IL2RA: variants seen among roughly 807,000 people sequenced by gnomAD.
IL2RA encodes interleukin-2 receptor subunit alpha.
Under a neutral mutation model 37.8 loss-of-function variants are expected in IL2RA, and 24 were observed. The ratio of observed to expected loss-of-function variants is 0.63; its 90% CI spans 0.46 to 0.89. The LOEUF (loss-of-function observed/expected upper bound fraction) is 0.89, where lower values mean the gene tolerates loss of function less well. Among genes scored for constraint, IL2RA ranks in the 40% least tolerant of loss-of-function variants. The pLI is 0.00. For missense variants in IL2RA, 319 were observed against 348.6 expected (o/e 0.92, Z 0.68); for synonymous variants, 125 against 114.6 (o/e 1.09, Z -0.58).
At chr10:6,038,146 T>C (rs1839719740) in intron 1 of IL2RA, among the ~76,000 whole-genome samples, 1 of 152,228 alleles carries the variant, frequency 6.6e-6, no homozygotes, top group South Asian at 2.1e-4. Context: ...GTGGCAAGCC[T>C]TGGATTACAA....
chr10:6,014,577 T>TG lies in IL2RA; in HGVS notation c.795-1682dup, dbSNP rs1296928768. 1.3e-5 allele frequency among the ~76,000 whole-genome samples: 2 copies of TG among 151,944 alleles called. No homozygotes were observed. Among genetic ancestry groups the TG allele is most frequent in the Admixed American group, 1.3e-4 (2 of 15,278 alleles). Reference sequence around the variant, plus strand: ...GGCTTTTGATCTTCAAACTAACAAATGAAAAAAATCCTTGCAAGGTGTTAA... The same window carrying TG: ...GGCTTTTGATCTTCAAACTAACAAATGGAAAAAAATCCTTGCAAGGTGTTAA... On this transcript the variant is annotated intron_variant, in intron 7 of 7. Transcript: ENST00000379959. This position sits in a 1 kb window ranked among gnomAD's most constrained non-coding sequence, Gnocchi z 4.4.
chr10:6,032,557 G>C (rs1193135557), intron 1 of IL2RA, among the ~76,000 whole-genome samples: 8 of 152,120 alleles, frequency 5.3e-5, no homozygotes. Context: ...GCCGGGTGTG[G>C]TGGTGTGCGC....
chr10:6,016,696 G>T (rs946901987), intron 7 of IL2RA, among the ~76,000 whole-genome samples: 1 of 151,532 alleles, frequency 6.6e-6, no homozygotes, highest in East Asian at 1.9e-4. Context: ...TCTCAGCCTC[G>T]CAAGTAGCTG....
intron 1 of IL2RA, among the ~76,000 whole-genome samples, chr10:6,061,775 T>C (rs1320268735): frequency 6.6e-6 from 1 of 152,210 alleles, no homozygotes; most frequent in Non-Finnish European, 1.5e-5. Flanking sequence ...AGATAATTTC[T>C]TGAGAAACCT....
chr10:6,038,210 C>T (rs1416352039), intron 1 of IL2RA, among the ~76,000 whole-genome samples: 1 of 152,200 alleles, frequency 6.6e-6, no homozygotes, highest in African/African-American at 2.4e-5. Context: ...CACCCAGAAT[C>T]ATAATCTTCA....
intron 1 of IL2RA, among the ~76,000 whole-genome samples, chr10:6,043,430 T>G (rs1839803368): frequency 6.6e-6 from 1 of 151,932 alleles, no homozygotes; most frequent in South Asian, 2.1e-4. Flanking sequence ...TTATTTGTTT[T>G]TGTTTGTGTT....
chr10:6,041,362 G>T (rs867166154), intron 1 of IL2RA, among the ~76,000 whole-genome samples: 2 of 152,094 alleles, frequency 1.3e-5, no homozygotes, highest in Admixed American at 1.3e-4. Flanking sequence ...TGATCCACCC[G>T]CCTCGGCCTC....
chr10:6,021,458 C>T lies in IL2RA; in HGVS notation c.583+20G>A, dbSNP rs991404125. 6.2e-7 allele frequency: 1 copy of T among 1,606,354 alleles called. No individual in the cohort carries two copies. Among genetic ancestry groups the T allele is most frequent in the South Asian group, 1.1e-5 (1 of 90,838 alleles). On this transcript the variant is annotated intron_variant, in intron 4 of 7. Coordinates refer to ENST00000379959, the MANE Select transcript of IL2RA (RefSeq NM_000417.3). This position sits in a 1 kb window ranked among gnomAD's most constrained non-coding sequence, Gnocchi z 4.9. ...ATGGAGCAAAGCAACATTGTGGACC[C>T]CAGAAGGGAGCCACCCTACCTGGAA...
In IL2RA at chr10:6,057,383, C is replaced by G. The variant is rs894057765; in HGVS notation, c.64+4705G>C. Among the ~76,000 whole-genome samples the G allele has an allele frequency of 6.6e-6, 1 of 152,194 alleles. No homozygotes were observed. The highest frequency in any genetic ancestry group is 1.5e-5 in the Non-Finnish European group (1 of 68,028). The stretch of plus-strand genomic sequence containing the variant: ...ATTGATACACAAAAGTCGCTCAACC[C>G]TGACCGTGCCAGTATGTCTTCATTT... On this transcript the variant is annotated intron_variant, in intron 1 of 7. Coordinates refer to ENST00000379959, the MANE Select transcript of IL2RA (RefSeq NM_000417.3). This position sits in a 1 kb window ranked among gnomAD's most constrained non-coding sequence, Gnocchi z 4.8.
At chr10:6,030,498 T>C (rs1839559214) in intron 1 of IL2RA, among the ~76,000 whole-genome samples, 1 of 152,176 alleles carries the variant, frequency 6.6e-6, no homozygotes, top group East Asian at 1.9e-4. Flanking sequence ...ATATTCAAAG[T>C]TTTAAAAGAA....
rs576952241 is a variant in IL2RA at position 6,014,475 on chromosome 10, T to G, written c.795-1579A>C. 6.6e-6 allele frequency among the ~76,000 whole-genome samples: 1 copy of G among 152,290 alleles called. No individual in the cohort carries two copies. Among genetic ancestry groups the G allele is most frequent in the South Asian group, 2.1e-4 (1 of 4,824 alleles). On this transcript the variant is annotated intron_variant, in intron 7 of 7. Coordinates refer to ENST00000379959, the MANE Select transcript of IL2RA (RefSeq NM_000417.3). This position sits in a 1 kb window ranked among gnomAD's most constrained non-coding sequence, Gnocchi z 4.4. ...GAGACCTTGTGGGAACTCACATAGG[T>G]TCACACAGTTATTTGTTTCACAACA...
intron 1 of IL2RA, among the ~76,000 whole-genome samples, chr10:6,038,700 G>A (rs1407544784): frequency 1.3e-5 from 2 of 152,214 alleles, no homozygotes; most frequent in African/African-American, 2.4e-5. Context: ...GAAGAGGAGG[G>A]AACTGTGTAG....
rs1839188055 is a variant in IL2RA at position 6,011,326 on chromosome 10, G to C, written c.*1546C>G. ...GGAGTTGAGAGTGGGTGGGCGTGCA[G>C]AGCAATAACACAATGGTTCTCAAAG... On this transcript the variant is annotated 3_prime_UTR_variant, in exon 8 of 8. Transcript: ENST00000379959. This position sits in a 1 kb window ranked among gnomAD's most constrained non-coding sequence, Gnocchi z 5.2. 1 of 151,946 alleles carries C rather than the reference G, an allele frequency of 6.6e-6. No homozygotes were observed. The highest frequency in any genetic ancestry group is 2.4e-5 in the African/African-American group (1 of 41,402). The allele number at this position is 151,946 out of a possible 1,614,324, so 9.4% of individuals were successfully genotyped here.
At position 6,018,667 on chromosome 10, in the gene IL2RA, C is replaced by A. The variant is rs12722587; in HGVS notation, c.728-548G>T. Among the ~76,000 whole-genome samples the A allele has an allele frequency of 6.6e-6, 1 of 151,970 alleles. No individual in the cohort carries two copies. Among genetic ancestry groups the A allele is most frequent in the Non-Finnish European group, 1.5e-5 (1 of 67,976 alleles). ...CCACTCTTGACCCCTGGCAGAGGCCCGGGGTACAGCCCTTCCAGATCAGCT... is the reference window on the plus strand; with the variant it reads ...CCACTCTTGACCCCTGGCAGAGGCCAGGGGTACAGCCCTTCCAGATCAGCT... On this transcript the variant is annotated intron_variant, in intron 6 of 7. Transcript: ENST00000379959. This position sits in a 1 kb window ranked among gnomAD's most constrained non-coding sequence, Gnocchi z 5.1.
At chr10:6,053,445 G>A (rs564027462) in intron 1 of IL2RA, among the ~76,000 whole-genome samples, 271 of 152,268 alleles carry the variant, frequency 1.8e-3, no homozygotes, top group Non-Finnish European at 2.4e-3. Flanking sequence ...ATGTTTTCTG[G>A]AACAAAGCTT....
Position 6,014,454 on chromosome 10 carries a change from C to A in IL2RA, c.795-1558G>T, listed in dbSNP as rs906140862. On this transcript the variant is annotated intron_variant, in intron 7 of 7. Coordinates refer to ENST00000379959, the MANE Select transcript of IL2RA (RefSeq NM_000417.3). This position sits in a 1 kb window ranked among gnomAD's most constrained non-coding sequence, Gnocchi z 4.4. ...CCCCAAAGATTGTAGTTCTGGGAGA[C>A]CTTGTGGGAACTCACATAGGTTCAC... Among the ~76,000 whole-genome samples the A allele has an allele frequency of 6.6e-6, 1 of 152,158 alleles. No homozygotes were observed. Among genetic ancestry groups the A allele is most frequent in the African/African-American group, 2.4e-5 (1 of 41,446 alleles).
intron 2 of IL2RA, 145 bp from the exon 3 acceptor site, chr10:6,024,499 G>T: frequency 1.5e-6 from 1 of 678,940 alleles, no homozygotes; most frequent in Non-Finnish European, 2.7e-6. Context: ...TTACAAATAC[G>T]AAACCAGAGT....
In IL2RA at chr10:6,015,698, CA is replaced by C; in HGVS notation, c.794+2354del. On this transcript the variant is annotated intron_variant, in intron 7 of 7. Transcript: ENST00000379959. This position sits in a 1 kb window ranked among gnomAD's most constrained non-coding sequence, Gnocchi z 4.9. ...ATGGTATTTAGCATATCCATCATCT[CA>C]AACATTTATCGTTTCTTTATGTTCC... Among the ~76,000 whole-genome samples, 1 of 152,334 alleles carries C rather than the reference CA, an allele frequency of 6.6e-6. No individual in the cohort carries two copies. Among genetic ancestry groups the C allele is most frequent in the Middle Eastern group, 3.4e-3 (1 of 294 alleles).
Position 6,058,144 on chromosome 10 carries a change from A to G in IL2RA, c.64+3944T>C, listed in dbSNP as rs1468213298. On this transcript the variant is annotated intron_variant, in intron 1 of 7. Coordinates refer to ENST00000379959, the MANE Select transcript of IL2RA (RefSeq NM_000417.3). The surrounding 1 kb of genome is among the most constrained non-coding windows in gnomAD (Gnocchi z 4.2). ...CCTGTCTCAAAAAGGAAGAGAAAAA[A>G]AAATCACAAAGAGGTATTCAGAATA... is the stretch of plus-strand genomic sequence containing the variant. 6.6e-6 allele frequency among the ~76,000 whole-genome samples: 1 copy of G among 152,150 alleles called. No individual in the cohort carries two copies. The highest frequency in any genetic ancestry group is 1.5e-5 in the Non-Finnish European group (1 of 68,024).
Sources: gnomAD v4.1 joint callset for allele counts (sites outside exome capture counted in the v4.1 genomes callset) on GRCh38, gnomAD v4.1.1 for gene constraint, Gnocchi (gnomAD v3.1) non-coding constraint, MANE v1.5 for transcripts, NCBI Gene and HGNC (gene_info 2026-07-23, HGNC 2026-07-21) for gene names.